The following PRTG variants were observed in gnomAD, a reference collection of about 807,000 sequenced individuals.
PRTG encodes the protein immunoglobulin superfamily, DCC subclass, member 5.
PRTG carries 67 observed loss-of-function variants against 122.5 expected under a neutral mutation model. The observed-to-expected ratio is 0.55, with a 90% CI of 0.45 to 0.67. The LOEUF is 0.67. Ranked by LOEUF, PRTG falls within the 30% of genes least tolerant of loss-of-function variation. PRTG has a pLI of 0.00. For missense variants in PRTG, 1,435 were observed against 1,415.4 expected (o/e 1.01, Z -0.22); for synonymous variants, 554 against 501.1 (o/e 1.11, Z -1.41).
chr15:55,712,089 T>C (rs919559191), intron 2 of PRTG, among the ~76,000 whole-genome samples: 1 of 152,180 alleles, frequency 6.6e-6, no homozygotes, highest in Admixed American at 6.5e-5. Flanking sequence ...AATGAAGCAA[T>C]GAAGGCATCC....
chr15:55,655,298 A>C (rs186029205), intron 11 of PRTG: 35 of 152,318 alleles, frequency 2.3e-4, no homozygotes, highest in African/African-American at 8.4e-4. Context: ...AAAGACACTG[A>C]AGATGCTTAG....
intron 11 of PRTG, among the ~76,000 whole-genome samples, chr15:55,667,206 A>G (rs559639087): frequency 2.4e-5 from 3 of 122,940 alleles, no homozygotes; most frequent in Admixed American, 2.4e-4. Flanking sequence ...AAATAATTTA[A>G]GAAAAAAAAA....
chr15:55,645,619 C>T (rs1289795382), intron 11 of PRTG, among the ~76,000 whole-genome samples: 1 of 151,630 alleles, frequency 6.6e-6, no homozygotes, highest in African/African-American at 2.4e-5. Context: ...CACGTAAATA[C>T]ACAAAGAATG....
rs1002824398 is a variant in PRTG, at chr15:55,613,201, T to C, written c.*6811A>G. 3.3e-5 allele frequency: 5 copies of C among 152,110 alleles called. No individual in the cohort carries two copies. The highest frequency in any genetic ancestry group is 7.2e-5 in the African/African-American group (3 of 41,456). The allele number at this position is 152,110 out of a possible 1,614,324, so 9.4% of individuals were successfully genotyped here. The stretch of plus-strand genomic sequence containing the variant: ...CTTAGGTGCTCCAAAGCCTAACTTA[T>C]ACTTGTTCTGTTTTATGACTCTCCG... On this transcript the variant is annotated 3_prime_UTR_variant, in exon 20 of 20. Transcript: ENST00000389286.
chr15:55,729,115 A>C (rs1167135497), intron 2 of PRTG, among the ~76,000 whole-genome samples: 1 of 152,230 alleles, frequency 6.6e-6, no homozygotes, highest in African/African-American at 2.4e-5. Context: ...ACAGATGAAA[A>C]CAATTCAAGT....
chr15:55,673,357 C>T lies in PRTG; in HGVS notation c.1852+14G>A. Reference sequence around the variant, plus strand: ...AAAAATACTGTATTTTCTTAACAGTCTTCAGAAATTCACCTTTCACGCTTG... The same window carrying T: ...AAAAATACTGTATTTTCTTAACAGTTTTCAGAAATTCACCTTTCACGCTTG... On this transcript the variant is annotated intron_variant, in intron 10 of 19. Coordinates refer to ENST00000389286, the MANE Select transcript of PRTG (RefSeq NM_173814.6). 6.3e-7 allele frequency: 1 copy of T among 1,583,928 alleles called. No homozygotes were observed. Among genetic ancestry groups the T allele is most frequent in the Non-Finnish European group, 8.7e-7 (1 of 1,155,198 alleles).
chr15:55,641,949 TGGATCATGAG>T (rs1567080067), intron 11 of PRTG, among the ~76,000 whole-genome samples: 1 of 147,856 alleles, frequency 6.8e-6, no homozygotes, highest in East Asian at 2.0e-4. Flanking sequence ...CCGAGGCGGG[TGGATCATGAG>T]GTCAGGAGAT....
chr15:55,699,643 C>G (rs558854753), intron 2 of PRTG, among the ~76,000 whole-genome samples: 1 of 152,102 alleles, frequency 6.6e-6, no homozygotes, highest in Non-Finnish European at 1.5e-5. Context: ...TATATCTGTA[C>G]ATAAATATAT....
chr15:55,665,623 G>A (rs139864443), intron 11 of PRTG, among the ~76,000 whole-genome samples: 60 of 148,004 alleles, frequency 4.1e-4, no homozygotes, highest in African/African-American at 1.5e-3. Flanking sequence ...TTGGTTCACT[G>A]CAACCTCTAG....
chr15:55,642,852 G>A (rs1299885969), intron 11 of PRTG, among the ~76,000 whole-genome samples: 1 of 152,102 alleles, frequency 6.6e-6, no homozygotes, highest in Non-Finnish European at 1.5e-5. Flanking sequence ...ACTTTGGGAA[G>A]TAGAGGACAG....
At chr15:55,645,338 G>A (rs1445982836) in intron 11 of PRTG, among the ~76,000 whole-genome samples, 2 of 145,684 alleles carry the variant, frequency 1.4e-5, no homozygotes, top group African/African-American at 5.0e-5. Context: ...GGAGGCTGAG[G>A]CAGGAGAATG....
intron 2 of PRTG, among the ~76,000 whole-genome samples, chr15:55,722,693 C>T (rs1364668761): frequency 1.3e-5 from 2 of 152,106 alleles, no homozygotes; most frequent in Admixed American, 6.6e-5. Flanking sequence ...TCTGGAAAAT[C>T]GTAGACTGAA....
chr15:55,664,912 T>C (rs781009822), intron 11 of PRTG, among the ~76,000 whole-genome samples: 5 of 152,024 alleles, frequency 3.3e-5, no homozygotes, highest in Non-Finnish European at 7.4e-5. Context: ...TAACTGACAT[T>C]ATCTCCTAGA....
intron 11 of PRTG, among the ~76,000 whole-genome samples, chr15:55,647,754 G>A (rs2059331977): frequency 6.6e-6 from 1 of 152,172 alleles, no homozygotes; most frequent in Admixed American, 6.5e-5. Flanking sequence ...CTTTGTGAAA[G>A]CTTATGAATA....
chr15:55,709,818 T>C (rs1317431845), intron 2 of PRTG, among the ~76,000 whole-genome samples: 1 of 152,168 alleles, frequency 6.6e-6, no homozygotes, highest in Non-Finnish European at 1.5e-5. Context: ...TAATCTATAG[T>C]GACAGAAAGC....
At chr15:55,649,265 C>A (rs1366283339) in intron 11 of PRTG, among the ~76,000 whole-genome samples, 1 of 152,086 alleles carries the variant, frequency 6.6e-6, no homozygotes, top group Non-Finnish European at 1.5e-5. Flanking sequence ...GGATATTAAA[C>A]CCAGGCTGAC....
intron 11 of PRTG, among the ~76,000 whole-genome samples, chr15:55,659,584 A>C (rs530986084): frequency 1.3e-5 from 2 of 152,258 alleles, no homozygotes; most frequent in Admixed American, 1.3e-4. Context: ...GATTTTATTA[A>C]TGTCTATTTC....
chr15:55,743,102 A>ACGGC lies in PRTG; in HGVS notation c.-175_-172dup. ...CTGCGGCGGCGAGGCTGGTGCTCGG[A>ACGGC]CGGCCGCTCGCGAGAAGCAAGGGGC... is the stretch of plus-strand genomic sequence containing the variant. On this transcript the variant is annotated 5_prime_UTR_variant, in exon 1 of 20. Transcript: ENST00000389286. 1 of 1,278,676 alleles carries ACGGC rather than the reference A, an allele frequency of 7.8e-7. No individual in the cohort carries two copies. Among genetic ancestry groups the ACGGC allele is most frequent in the Non-Finnish European group, 9.8e-7 (1 of 1,017,262 alleles). The allele number at this position is 1,278,676 out of a possible 1,614,324, so 79.2% of individuals were successfully genotyped here. A position where few individuals can be genotyped will look rare whatever the true frequency, so the allele number is the denominator to read the frequency against.
chr15:55,675,448 C>T, intron 9 of PRTG, 71 bp downstream of exon 9: 4 of 1,120,224 alleles, frequency 3.6e-6, no homozygotes, highest in Non-Finnish European at 3.8e-6. Context: ...CTTTAAAACA[C>T]ATTTATTCAT....
Sources: gnomAD v4.1 joint callset for allele counts (sites outside exome capture counted in the v4.1 genomes callset) on GRCh38, gnomAD v4.1.1 for gene constraint, MANE v1.5 for transcripts, NCBI Gene and HGNC (gene_info 2026-07-23, HGNC 2026-07-21) for gene names.